Variants in ADORA1 observed in about 807,000 individuals in gnomAD.
ADORA1 encodes adenosine receptor A1.
In ADORA1, 6 loss-of-function variants were observed where a neutral mutation model predicts 19.9. That is an observed-to-expected ratio of 0.30 (90% CI 0.17 to 0.59). ADORA1 has a LOEUF of 0.59. Ranked by LOEUF, ADORA1 falls within the 20% of genes least tolerant of loss-of-function variation. ADORA1 has a pLI of 0.87. For missense variants in ADORA1, 302 were observed against 439.2 expected (o/e 0.69, Z 2.79); for synonymous variants, 194 against 188.4 (o/e 1.03, Z -0.24).
intron 3 of ADORA1, among the ~76,000 whole-genome samples, chr1:203,135,287 A>C (rs940548747): frequency 1.3e-5 from 2 of 152,152 alleles, no homozygotes; most frequent in Non-Finnish European, 2.9e-5. Flanking sequence ...GGCTACTTCA[A>C]TTGTTTCTGA....
intron 3 of ADORA1, among the ~76,000 whole-genome samples, chr1:203,137,688 C>G (rs1266359304): frequency 6.6e-6 from 1 of 151,996 alleles, no homozygotes. Context: ...AAAATTTTAT[C>G]CAGTAAAGTG....
chr1:203,129,656 G>T (rs761858063), intron 3 of ADORA1: 11 of 157,438 alleles, frequency 7.0e-5, no homozygotes, highest in Non-Finnish European at 9.7e-5. Context: ...GCCAGACCAC[G>T]GCAGGCTTCC....
intron 3 of ADORA1, chr1:203,150,641 G>A (rs909282297): frequency 1.2e-5 from 16 of 1,289,638 alleles, no homozygotes; most frequent in South Asian, 4.9e-5. Flanking sequence ...GGTCCCAAAA[G>A]TGGTGTCTTC....
chr1:203,135,749 C>CT (rs1174979018), intron 3 of ADORA1, among the ~76,000 whole-genome samples: 1 of 152,126 alleles, frequency 6.6e-6, no homozygotes, highest in Non-Finnish European at 1.5e-5. Context: ...AAGTCAGAAC[C>CT]TGGGCTGTGT....
chr1:203,128,379 C>T lies in ADORA1; in HGVS notation c.-111C>T. On this transcript the variant is annotated 5_prime_UTR_variant, in exon 2 of 4. Transcript: ENST00000337894. The surrounding 1 kb of genome is among the most constrained non-coding windows in gnomAD (Gnocchi z 5.9). ...ACCGCGCGCGGCCCGGAGCTCTGTTCCCTGGAACTTTGGGCACTGCCTCTG... is the reference window on the plus strand; with the variant it reads ...ACCGCGCGCGGCCCGGAGCTCTGTTTCCTGGAACTTTGGGCACTGCCTCTG... 7.7e-7 allele frequency: 1 copy of T among 1,290,874 alleles called. No homozygotes were observed. The highest frequency in any genetic ancestry group is 1.2e-5 in the South Asian group (1 of 81,036). 80.0% of individuals were successfully genotyped at this position (1,290,874 alleles called of 1,614,324 possible).
chr1:203,155,283 C>T (rs939057701), intron 3 of ADORA1, among the ~76,000 whole-genome samples: 3 of 152,130 alleles, frequency 2.0e-5, no homozygotes, highest in Non-Finnish European at 4.4e-5. Context: ...CTCAAGTGAT[C>T]CACCTGCCTT....
In ADORA1 at chr1:203,165,181, T is replaced by A; in HGVS notation, c.342-80T>A. ...GGAGGGTGCTCCTCTTAGAGGCCCC[T>A]GGAGGCCAGGCGTGCCTCAGAGGGG... On this transcript the variant is annotated intron_variant, in intron 3 of 3. Transcript: ENST00000337894. This position sits in a 1 kb window ranked among gnomAD's most constrained non-coding sequence, Gnocchi z 5.9. The A allele has an allele frequency of 3.1e-6, 5 of 1,600,838 alleles. No homozygotes were observed. Among genetic ancestry groups the A allele is most frequent in the Non-Finnish European group, 3.4e-6 (4 of 1,174,210 alleles).
rs1312048781 is a variant in ADORA1 at position 203,165,096 on chromosome 1, C to T, written c.342-165C>T. 2 of 1,550,906 alleles carry T rather than the reference C, an allele frequency of 1.3e-6. No homozygotes were observed. The highest frequency in any genetic ancestry group is 4.9e-5 in the East Asian group (2 of 40,944). On this transcript the variant is annotated intron_variant, in intron 3 of 3. Coordinates refer to ENST00000337894, the MANE Select transcript of ADORA1 (RefSeq NM_000674.3). This position sits in a 1 kb window ranked among gnomAD's most constrained non-coding sequence, Gnocchi z 5.9. ...CATGGCAAGCACTAAATCTTAGATC[C>T]TGAAGACTCAGCCCTCGAGCAAAAG...
chr1:203,161,075 C>T (rs935004309), intron 3 of ADORA1, among the ~76,000 whole-genome samples: 3 of 152,196 alleles, frequency 2.0e-5, no homozygotes, highest in Admixed American at 6.5e-5. Flanking sequence ...CATACTGACA[C>T]TCTTGCAGCA....
At chr1:203,148,413 G>A (rs996134541) in intron 3 of ADORA1, among the ~76,000 whole-genome samples, 1 of 152,200 alleles carries the variant, frequency 6.6e-6, no homozygotes, top group Non-Finnish European at 1.5e-5. Flanking sequence ...CCAACATCAC[G>A]GGCGGAGCAA....
At chr1:203,131,807 C>T (rs952467894) in intron 3 of ADORA1, among the ~76,000 whole-genome samples, 3 of 152,218 alleles carry the variant, frequency 2.0e-5, no homozygotes, top group Admixed American at 6.5e-5. Context: ...CTCCCCTCTA[C>T]GTGGCTGGAG....
At chr1:203,159,877 G>C (rs1425978358) in intron 3 of ADORA1, among the ~76,000 whole-genome samples, 1 of 152,236 alleles carries the variant, frequency 6.6e-6, no homozygotes, top group Non-Finnish European at 1.5e-5. Context: ...CATGTGAACA[G>C]GTCATTCTGA....
chr1:203,149,018 C>T (rs1654949074), intron 3 of ADORA1, among the ~76,000 whole-genome samples: 1 of 152,166 alleles, frequency 6.6e-6, no homozygotes, highest in Admixed American at 6.5e-5. Context: ...GCTGGGACTA[C>T]AGGTGCATGC....
intron 3 of ADORA1, chr1:203,129,401 A>G (rs1654261873): frequency 1.6e-6 from 1 of 636,196 alleles, no homozygotes. Flanking sequence ...TGAACTTACC[A>G]GTGCCCATGA....
intron 3 of ADORA1, among the ~76,000 whole-genome samples, chr1:203,136,232 G>C (rs544139550): frequency 1.2e-4 from 19 of 152,318 alleles, no homozygotes; most frequent in Non-Finnish European, 2.6e-4. Context: ...TGGTCGTGGG[G>C]ATAAGGAGAA....
rs1490995589 is a variant in ADORA1 at position 203,165,596 on chromosome 1, A to G, written c.677A>G (p.Tyr226Cys). 1 of 1,613,692 alleles carries G rather than the reference A, an allele frequency of 6.2e-7. No individual in the cohort carries two copies. Among genetic ancestry groups the G allele is most frequent in the African/African-American group, 1.3e-5 (1 of 74,888 alleles). The part of the protein sequence containing the change: ...SASSGDPQKY[Y>C]GKELKIAKSL... ...TCCTCCGGCGACCCGCAGAAGTACTATGGGAAGGAGCTGAAGATCGCCAAG... is the reference window on the plus strand; with the variant it reads ...TCCTCCGGCGACCCGCAGAAGTACTGTGGGAAGGAGCTGAAGATCGCCAAG... The change falls in exon 4 of 4, where the codon TAT becomes TGT. Residue 226 changes from tyrosine to cysteine, a missense_variant. Tyr to Cys is a radical substitution (Grantham distance 194). Coordinates refer to ENST00000337894, the MANE Select transcript of ADORA1 (RefSeq NM_000674.3). The surrounding 1 kb of genome is among the most constrained non-coding windows in gnomAD (Gnocchi z 5.9).
chr1:203,151,827 C>T (rs1348056756), intron 3 of ADORA1, among the ~76,000 whole-genome samples: 1 of 102,088 alleles, frequency 9.8e-6, no homozygotes, highest in African/African-American at 2.7e-5. Context: ...CATTCTTATA[C>T]TCAATAAATA....
At chr1:203,146,702 A>G (rs1264179191) in intron 3 of ADORA1, among the ~76,000 whole-genome samples, 2 of 152,022 alleles carry the variant, frequency 1.3e-5, no homozygotes, top group African/African-American at 4.8e-5. Context: ...TGGCCAAGCT[A>G]AGAGGTCTGA....
chr1:203,151,784 G>GCATTCATT (rs1392623430), intron 3 of ADORA1, among the ~76,000 whole-genome samples: 7 of 81,380 alleles, frequency 8.6e-5, no homozygotes, highest in Admixed American at 2.8e-4. Context: ...CTTCATGCAT[G>GCATTCATT]CATGCATTCA....
Sources: allele counts gnomAD v4.1 joint callset (sites outside exome capture counted in the v4.1 genomes callset), GRCh38; gene constraint gnomAD v4.1.1; non-coding constraint Gnocchi (gnomAD v3.1); transcripts MANE v1.5; gene names NCBI Gene and HGNC (gene_info 2026-07-23, HGNC 2026-07-21).